ZNF678: variants seen among roughly 807,000 people sequenced by gnomAD.
The protein encoded by ZNF678 is hypothetical protein MGC42493.
A neutral mutation model predicts 3.0 loss-of-function variants in ZNF678; 5 were observed. The ratio of observed to expected loss-of-function variants is 1.69; its 90% CI spans 0.88 to 3.56. ZNF678 has a LOEUF of 3.56. ZNF678 is among the 30% of genes most tolerant of loss of function. The pLI is 0.00. For synonymous variants in ZNF678, 218 were observed against 199.6 expected (o/e 1.09, Z -0.78); for missense variants, 593 against 605.0 (o/e 0.98, Z 0.21).
downstream of ZNF678, among the ~76,000 whole-genome samples, chr1:227,666,893 C>T (rs1408958962): frequency 2.0e-5 from 3 of 151,496 alleles, no homozygotes; most frequent in Non-Finnish European, 4.4e-5. Flanking sequence ...TACGGGCATG[C>T]GCCACCACAG....
At chr1:227,612,613 C>G (rs1219175988) in intron 1 of ZNF678, among the ~76,000 whole-genome samples, 1 of 152,182 alleles carries the variant, frequency 6.6e-6, no homozygotes, top group Non-Finnish European at 1.5e-5. Flanking sequence ...GCTTTCTACT[C>G]CTGGGCACAC....
chr1:227,654,396 A>G lies in ZNF678; in HGVS notation c.146A>G (p.Gln49Arg), dbSNP rs183376791. 74 of 1,606,356 alleles carry G rather than the reference A, an allele frequency of 4.6e-5. No individual in the cohort carries two copies. The East Asian group carries it at 1.6e-3, about 35-fold the overall frequency. Residue 49 changes from glutamine (Q) to arginine (R), a missense_variant, in exon 4 of 4, where the codon CAA becomes CGA. Transcript: ENST00000343776. Reference protein sequence around the residue: ...LPEQDMKDLCQKVTLTRHRSW... With the variant: ...LPEQDMKDLCRKVTLTRHRSW... ...GAGCAGGATATGAAAGATTTATGCC[A>G]AAAAGTGACACTGACAAGACATAGA... is the stretch of plus-strand genomic sequence containing the variant.
intron 1 of ZNF678, among the ~76,000 whole-genome samples, chr1:227,637,310 GGAGGAGCCGT>G (rs1658702973): frequency 1.3e-5 from 2 of 152,220 alleles, no homozygotes; most frequent in Admixed American, 1.3e-4. Context: ...GAATACAGTT[GGAGGAGCCGT>G]GAGGCAGAGA....
At chr1:227,570,534 A>C (rs577468295) in intron 1 of ZNF678, among the ~76,000 whole-genome samples, 1 of 152,186 alleles carries the variant, frequency 6.6e-6, no homozygotes, top group Non-Finnish European at 1.5e-5. Flanking sequence ...AAAGCTCACT[A>C]TACTGTCCAG....
At chr1:227,607,381 CA>C (rs1249267156) in intron 1 of ZNF678, among the ~76,000 whole-genome samples, 11 of 152,124 alleles carry the variant, frequency 7.2e-5, no homozygotes, top group Non-Finnish European at 2.9e-5. Context: ...TCAGACATGT[CA>C]TTTTGCATAA....
At chr1:227,676,231 TTTGA>T (rs1216522531) in intron 5 of ZNF678, among the ~76,000 whole-genome samples, 4 of 152,284 alleles carry the variant, frequency 2.6e-5, no homozygotes, top group African/African-American at 7.2e-5. Flanking sequence ...AAAACAAGCC[TTTGA>T]TTGATAGCAT....
chr1:227,570,324 A>G (rs556974960), intron 1 of ZNF678, among the ~76,000 whole-genome samples: 3 of 152,262 alleles, frequency 2.0e-5, no homozygotes, highest in Non-Finnish European at 4.4e-5. Flanking sequence ...GCCATTCAGT[A>G]TTTCTTGTAG....
chr1:227,603,926 A>G (rs1483228714), intron 1 of ZNF678, among the ~76,000 whole-genome samples: 1 of 152,206 alleles, frequency 6.6e-6, no homozygotes, highest in Non-Finnish European at 1.5e-5. Flanking sequence ...GTCTTGTATA[A>G]TTGGAACCAT....
At chr1:227,674,514 TAAAAG>T (rs946609924) in intron 5 of ZNF678, among the ~76,000 whole-genome samples, 66 of 152,178 alleles carry the variant, frequency 4.3e-4, no homozygotes, top group African/African-American at 1.5e-3. Flanking sequence ...ACTGTGAACT[TAAAAG>T]ATGAGCATTT....
intron 1 of ZNF678, among the ~76,000 whole-genome samples, chr1:227,589,937 A>G (rs546315423): frequency 6.6e-6 from 1 of 151,668 alleles, no homozygotes; most frequent in South Asian, 2.1e-4. Flanking sequence ...TGAGACTCTC[A>G]CTCATTTTAT....
chr1:227,571,975 G>A (rs1247348382), intron 1 of ZNF678, among the ~76,000 whole-genome samples: 3 of 152,232 alleles, frequency 2.0e-5, no homozygotes, highest in African/African-American at 7.2e-5. Context: ...CTGGGAGGCA[G>A]AGCTTGCAGT....
chr1:227,571,122 TG>T (rs1298875159), intron 1 of ZNF678, among the ~76,000 whole-genome samples: 2 of 152,246 alleles, frequency 1.3e-5, no homozygotes, highest in Non-Finnish European at 2.9e-5. Flanking sequence ...ATAGTATCAA[TG>T]TATTAGTAAT....
At chr1:227,647,199 G>A (rs1658980819) in intron 2 of ZNF678, among the ~76,000 whole-genome samples, 1 of 152,242 alleles carries the variant, frequency 6.6e-6, no homozygotes, top group Non-Finnish European at 1.5e-5. Flanking sequence ...AGAGGTTGCA[G>A]TGAGCTGAGA....
At chr1:227,566,422 A>G (rs1656686378) in intron 1 of ZNF678, among the ~76,000 whole-genome samples, 1 of 152,222 alleles carries the variant, frequency 6.6e-6, no homozygotes, top group Admixed American at 6.5e-5. Flanking sequence ...AGGACAAGCA[A>G]TAACTACTCC....
In ZNF678 at chr1:227,656,044, T is replaced by C. The variant is rs1281140597; in HGVS notation, c.*216T>C. 5.2e-6 allele frequency: 2 copies of C among 384,422 alleles called. No homozygotes were observed. Among genetic ancestry groups the C allele is most frequent in the Admixed American group, 8.4e-5 (2 of 23,726 alleles). The allele number at this position is 384,422 out of a possible 1,614,324, so 23.8% of individuals were successfully genotyped here. The stretch of plus-strand genomic sequence containing the variant: ...TAGAGGAAAAACCCTTAAACAATTA[T>C]TCAGACTTTATTCAACTTTAGAGGA... On this transcript the variant is annotated 3_prime_UTR_variant, in exon 4 of 4. Coordinates refer to ENST00000343776, the MANE Select transcript of ZNF678 (RefSeq NM_001367909.1).
At chr1:227,579,390 T>A (rs960297574) in intron 1 of ZNF678, among the ~76,000 whole-genome samples, 16 of 152,118 alleles carry the variant, frequency 1.1e-4, no homozygotes, top group African/African-American at 3.4e-4. Flanking sequence ...CCCACTGTTC[T>A]CTGTGCAGTG....
chr1:227,671,398 C>A (rs545732696), intron 5 of ZNF678, among the ~76,000 whole-genome samples: 3 of 150,036 alleles, frequency 2.0e-5, no homozygotes, highest in South Asian at 4.2e-4. Context: ...GAAAAAAAAA[C>A]ACACATTTTC....
chr1:227,644,261 G>A (rs561682826), intron 1 of ZNF678, among the ~76,000 whole-genome samples: 3 of 152,244 alleles, frequency 2.0e-5, no homozygotes, highest in East Asian at 3.9e-4. Flanking sequence ...GAGACACTTC[G>A]CACCTACCTC....
At chr1:227,669,262 A>C (rs1659559540) in intron 5 of ZNF678, among the ~76,000 whole-genome samples, 1 of 152,234 alleles carries the variant, frequency 6.6e-6, no homozygotes, top group Non-Finnish European at 1.5e-5. Context: ...AGACATGAAC[A>C]GACACTTTTC....
Sources: gnomAD v4.1 joint callset for allele counts (sites outside exome capture counted in the v4.1 genomes callset) on GRCh38, gnomAD v4.1.1 for gene constraint, MANE v1.5 for transcripts, NCBI Gene and HGNC (gene_info 2026-07-23, HGNC 2026-07-21) for gene names.